Variants in GAREM1 observed in about 807,000 individuals in gnomAD.
GAREM1 encodes GRB2-associated and regulator of MAPK protein 1.
GAREM1 carries 26 observed loss-of-function variants against 71.3 expected under a neutral mutation model. The observed-to-expected ratio is 0.36, with a 90% CI of 0.27 to 0.51. The LOEUF (loss-of-function observed/expected upper bound fraction) is 0.51. Ranked by LOEUF, GAREM1 falls within the 20% of genes least tolerant of loss-of-function variation. The pLI is 0.95. For missense variants in GAREM1, 1,026 were observed against 1,103.1 expected (o/e 0.93, Z 0.99); for synonymous variants, 440 against 433.2 (o/e 1.02, Z -0.20).
chr18:32,457,800 C>T (rs1419612030), intron 1 of GAREM1, among the ~76,000 whole-genome samples: 1 of 152,070 alleles, frequency 6.6e-6, no homozygotes, highest in African/African-American at 2.4e-5. Context: ...GGTACACGTG[C>T]ACAACGTGCA....
intron 2 of GAREM1, among the ~76,000 whole-genome samples, chr18:32,333,233 G>A (rs1433179811): frequency 6.6e-6 from 1 of 151,866 alleles, no homozygotes; most frequent in Non-Finnish European, 1.5e-5. Context: ...AGAGAGACAA[G>A]GAAGGGGAGT....
At chr18:32,467,225 A>C (rs2049008385) in intron 1 of GAREM1, among the ~76,000 whole-genome samples, 1 of 152,142 alleles carries the variant, frequency 6.6e-6, no homozygotes, top group Non-Finnish European at 1.5e-5. Flanking sequence ...TCCTTTGGCA[A>C]GCAGAAAGTT....
chr18:32,308,353 A>C (rs1300688900), intron 3 of GAREM1, among the ~76,000 whole-genome samples: 1 of 150,254 alleles, frequency 6.7e-6, no homozygotes, highest in Non-Finnish European at 1.5e-5. Context: ...AAGCTGCTAG[A>C]GGCATTTAAA....
chr18:32,388,126 G>A (rs2144652446), intron 2 of GAREM1, among the ~76,000 whole-genome samples: 1 of 152,288 alleles, frequency 6.6e-6, no homozygotes, highest in South Asian at 2.1e-4. Flanking sequence ...AGACACAGGT[G>A]CCAGCCTATA....
At chr18:32,317,655 T>C (rs1390779202) in intron 2 of GAREM1, among the ~76,000 whole-genome samples, 2 of 151,296 alleles carry the variant, frequency 1.3e-5, no homozygotes, top group East Asian at 1.9e-4. Context: ...CACTGTGTTT[T>C]GCAAGATAAA....
At chr18:32,315,797 G>A (rs1056931452) in intron 2 of GAREM1, among the ~76,000 whole-genome samples, 1 of 152,082 alleles carries the variant, frequency 6.6e-6, no homozygotes, top group Non-Finnish European at 1.5e-5. Flanking sequence ...TCCTGAAAAA[G>A]AAGAATGTTT....
chr18:32,388,089 T>C (rs2048165210), intron 2 of GAREM1, among the ~76,000 whole-genome samples: 1 of 151,976 alleles, frequency 6.6e-6, no homozygotes, highest in African/African-American at 2.4e-5. Flanking sequence ...AGGACATGAT[T>C]TAAAAAATGA....
intron 1 of GAREM1, among the ~76,000 whole-genome samples, chr18:32,467,153 G>GT (rs971064847): frequency 3.3e-5 from 5 of 151,980 alleles, no homozygotes; most frequent in African/African-American, 7.2e-5. Flanking sequence ...AAACCCCAAT[G>GT]TTTTTTTTCT....
At chr18:32,404,546 G>T (rs909742339) in intron 1 of GAREM1, among the ~76,000 whole-genome samples, 8 of 151,930 alleles carry the variant, frequency 5.3e-5, no homozygotes, top group African/African-American at 1.9e-4. Flanking sequence ...ATATTAAGGT[G>T]TTTTCTTTTC....
chr18:32,398,688 C>CA (rs1233075321), intron 1 of GAREM1, among the ~76,000 whole-genome samples: 5 of 151,816 alleles, frequency 3.3e-5, no homozygotes, highest in African/African-American at 4.8e-5. Context: ...GCTTACCAAC[C>CA]AAAAAAAGTC....
rs902036148 is a variant in GAREM1 at position 32,470,326 on chromosome 18, T to C, written c.103A>G (p.Ile35Val). The change falls in exon 1 of 6, where the codon ATC becomes GTC. Residue 35 changes from isoleucine to valine, a missense_variant. This residue lies in a region of GAREM1 where 172 missense variants were observed against 175.2 expected (regional missense o/e 0.98). Coordinates refer to ENST00000269209, the MANE Select transcript of GAREM1 (RefSeq NM_001242409.2). The surrounding 1 kb of genome is among the most constrained non-coding windows in gnomAD (Gnocchi z 4.4). ...LLVSTYRLPQ[I>V]ARLDNGECVE... ...GACTCACCGTTGTCCAGGCGCGCGATCTGGGGCAGCCGGTAAGTGCTGACC... is the reference window on the plus strand; with the variant it reads ...GACTCACCGTTGTCCAGGCGCGCGACCTGGGGCAGCCGGTAAGTGCTGACC... 14 of 1,560,518 alleles carry C rather than the reference T, an allele frequency of 9.0e-6. No individual in the cohort carries two copies. The highest frequency in any genetic ancestry group is 1.2e-5 in the Non-Finnish European group (14 of 1,156,310).
intron 1 of GAREM1, among the ~76,000 whole-genome samples, chr18:32,445,546 T>C (rs1450361171): frequency 6.6e-6 from 1 of 152,132 alleles, no homozygotes; most frequent in Non-Finnish European, 1.5e-5. Flanking sequence ...AATAGTCTTG[T>C]CAAAACTATT....
chr18:32,458,862 T>A (rs775340619), intron 1 of GAREM1, among the ~76,000 whole-genome samples: 8 of 152,106 alleles, frequency 5.3e-5, no homozygotes, highest in Non-Finnish European at 1.2e-4. Context: ...CTTTCCTGGA[T>A]GCAATTTAGC....
chr18:32,381,874 C>A (rs1360623049), intron 2 of GAREM1, among the ~76,000 whole-genome samples: 4 of 152,322 alleles, frequency 2.6e-5, no homozygotes, highest in Admixed American at 6.5e-5. Flanking sequence ...GTGCCTGGTA[C>A]TTTATCTAGA....
At chr18:32,309,643 A>AAAAAAT (rs2047294008) in intron 3 of GAREM1, among the ~76,000 whole-genome samples, 1 of 149,074 alleles carries the variant, frequency 6.7e-6, no homozygotes, top group Non-Finnish European at 1.5e-5. Flanking sequence ...AAAAAAAAAA[A>AAAAAAT]GAATGCAGAA....
chr18:32,286,569 T>C (rs1157575898), intron 4 of GAREM1, among the ~76,000 whole-genome samples: 1 of 152,208 alleles, frequency 6.6e-6, no homozygotes, highest in East Asian at 1.9e-4. Flanking sequence ...GAGTTTTCTT[T>C]GATTGCTCTC....
chr18:32,462,191 A>G, intron 1 of GAREM1, among the ~76,000 whole-genome samples: 1 of 152,228 alleles, frequency 6.6e-6, no homozygotes, highest in South Asian at 2.1e-4. Context: ...AGGAACCTCC[A>G]TACTGTTTTC....
rs552267659 is a variant in GAREM1, at chr18:32,328,969, A to G, written c.263-18646T>C. ...TTAAGAAAGACACCACCACCAATACAATGACGGGCAAAGAACATGATGAAC... is the reference window on the plus strand; with the variant it reads ...TTAAGAAAGACACCACCACCAATACGATGACGGGCAAAGAACATGATGAAC... On this transcript the variant is annotated intron_variant, in intron 2 of 5. Coordinates refer to ENST00000269209, the MANE Select transcript of GAREM1 (RefSeq NM_001242409.2). Among the ~76,000 whole-genome samples, 10 of 152,328 alleles carry G rather than the reference A, an allele frequency of 6.6e-5. No homozygotes were observed. In the South Asian group the frequency reaches 8.3e-4, roughly 13 times the overall value.
At chr18:32,292,598 G>A (rs891433529) in intron 3 of GAREM1, among the ~76,000 whole-genome samples, 4 of 152,082 alleles carry the variant, frequency 2.6e-5, no homozygotes, top group African/African-American at 7.2e-5. Flanking sequence ...AGCTGTTCTC[G>A]TGATAGTGAG....
Sources: allele counts gnomAD v4.1 joint callset (sites outside exome capture counted in the v4.1 genomes callset), GRCh38; gene constraint gnomAD v4.1.1; regional missense constraint gnomAD v4.1.1; non-coding constraint Gnocchi (gnomAD v3.1); transcripts MANE v1.5; gene names NCBI Gene and HGNC (gene_info 2026-07-23, HGNC 2026-07-21).